IL18RAP: variants seen among roughly 807,000 people sequenced by gnomAD.
IL18RAP encodes the protein interleukin 18 receptor accessory protein.
Under a neutral mutation model 58.1 loss-of-function variants are expected in IL18RAP, and 37 were observed. The observed-to-expected ratio is 0.64, with a 90% CI of 0.49 to 0.84. The LOEUF (loss-of-function observed/expected upper bound fraction) is 0.84. Among genes scored for constraint, IL18RAP ranks in the 40% least tolerant of loss-of-function variants. IL18RAP has a pLI of 0.00. For missense variants in IL18RAP, 667 were observed against 704.8 expected (o/e 0.95, Z 0.61); for synonymous variants, 268 against 257.5 (o/e 1.04, Z -0.39).
upstream of IL18RAP, chr2:102,423,023 G>A: frequency 1.9e-6 from 1 of 519,212 alleles, no homozygotes; most frequent in South Asian, 2.8e-5. Context: ...AATGACACAA[G>A]TGAAAAGGTT....
rs758625419 is a variant in IL18RAP, at chr2:102,424,156, T to C, written c.395+21T>C. 3.7e-6 allele frequency: 6 copies of C among 1,606,610 alleles called. No individual in the cohort carries two copies. The East Asian group carries it at 1.3e-4, about 36-fold the overall frequency. The stretch of plus-strand genomic sequence containing the variant: ...ATTAAGTATGATCCAAATACATTTC[T>C]ATCTGAAAACATTTCCAAATCCTCT... On this transcript the variant is annotated intron_variant, in intron 2 of 9. Coordinates refer to ENST00000687160, the MANE Select transcript of IL18RAP (RefSeq NM_001393487.1).
intron 4 of IL18RAP, among the ~76,000 whole-genome samples, chr2:102,437,571 G>T (rs945769151): frequency 5.3e-5 from 8 of 152,136 alleles, no homozygotes; most frequent in Non-Finnish European, 8.8e-5. Flanking sequence ...CACAAGTTGG[G>T]TTGTCCATGA....
upstream of IL18RAP, among the ~76,000 whole-genome samples, chr2:102,419,959 G>C (rs2104275294): frequency 6.6e-6 from 1 of 152,314 alleles, no homozygotes; most frequent in Middle Eastern, 3.4e-3. Context: ...GCTTGCTTTG[G>C]CTTAAGTTGC....
chr2:102,439,524 A>G (rs1230553691), intron 4 of IL18RAP: 1 of 152,404 alleles, frequency 6.6e-6, no homozygotes, highest in Non-Finnish European at 1.5e-5. Context: ...GTGGAGCAGC[A>G]AGCTTGACTC....
At chr2:102,444,133 CAGAT>C (rs1683273763) in intron 6 of IL18RAP, among the ~76,000 whole-genome samples, 1 of 152,162 alleles carries the variant, frequency 6.6e-6, no homozygotes, top group African/African-American at 2.4e-5. Context: ...TGATACTTAA[CAGAT>C]ATCAATAAGA....
intron 7 of IL18RAP, among the ~76,000 whole-genome samples, chr2:102,445,820 TAA>T (rs11334822): frequency 2.1e-4 from 32 of 148,904 alleles, no homozygotes; most frequent in Non-Finnish European, 2.2e-4. Flanking sequence ...ACGGATATAT[TAA>T]AAAAAAAAAA....
intron 4 of IL18RAP, among the ~76,000 whole-genome samples, chr2:102,437,858 A>G (rs184066784): frequency 6.6e-6 from 1 of 152,256 alleles, no homozygotes; most frequent in African/African-American, 2.4e-5. Flanking sequence ...CTTTTTCTAC[A>G]TATGTATGCA....
chr2:102,438,114 A>G (rs958215554), intron 4 of IL18RAP, among the ~76,000 whole-genome samples: 1 of 152,142 alleles, frequency 6.6e-6, no homozygotes, highest in Non-Finnish European at 1.5e-5. Flanking sequence ...ACATTTTGCT[A>G]TATGTTTTTT....
In IL18RAP at chr2:102,423,257, TGAC is replaced by T; in HGVS notation, c.-20_-18del. The T allele has an allele frequency of 6.2e-7, 1 of 1,612,948 alleles. No homozygotes were observed. Among genetic ancestry groups the T allele is most frequent in the Non-Finnish European group, 8.5e-7 (1 of 1,178,894 alleles). ...CAAAGGAATGAAGTTATTGGAGTGA[TGAC>T]AGGAACACGGGAGAACAATGCTCTG... On this transcript the variant is annotated 5_prime_UTR_variant, in exon 1 of 10. The change abolishes an upstream ATG in the 5' untranslated region. Transcript: ENST00000687160.
chr2:102,422,767 A>T (rs759649587), upstream of IL18RAP, among the ~76,000 whole-genome samples: 10 of 152,218 alleles, frequency 6.6e-5, no homozygotes, highest in African/African-American at 9.6e-5. Context: ...ATATGCAAAC[A>T]TTCTCAAATT....
rs767773927 is a variant in IL18RAP, at chr2:102,447,131, T to C, written c.1134T>C (p.Ser378=). Residue 378 remains serine (S), a synonymous_variant, in exon 8 of 10, where the codon AGT becomes AGC. Coordinates refer to ENST00000687160, the MANE Select transcript of IL18RAP (RefSeq NM_001393487.1). ...CCCTGGTGGCCGTGCTGGCGGCGAGTGCCCTCCTCTACAGGCACTGGATTG... is the reference window on the plus strand; with the variant it reads ...CCCTGGTGGCCGTGCTGGCGGCGAGCGCCCTCCTCTACAGGCACTGGATTG... ...IGTLVAVLAA[S]ALLYRHWIEI... 4 of 1,614,046 alleles carry C rather than the reference T, an allele frequency of 2.5e-6. No individual in the cohort carries two copies. In the South Asian group the frequency reaches 3.3e-5, roughly 13 times the overall value.
chr2:102,443,902 C>T (rs191967926), intron 6 of IL18RAP, among the ~76,000 whole-genome samples: 15 of 152,240 alleles, frequency 9.9e-5, no homozygotes, highest in South Asian at 6.2e-4. Context: ...GCACAGAACC[C>T]GGATCAGTGG....
chr2:102,444,903 T>C (rs536016509), intron 6 of IL18RAP, among the ~76,000 whole-genome samples: 2 of 152,366 alleles, frequency 1.3e-5, no homozygotes, highest in Admixed American at 6.5e-5. Flanking sequence ...TAAATATTTT[T>C]CTTAAGGTAT....
chr2:102,444,874 C>T (rs1300953184), intron 6 of IL18RAP, among the ~76,000 whole-genome samples: 1 of 152,188 alleles, frequency 6.6e-6, no homozygotes, highest in South Asian at 2.1e-4. Context: ...AGTAAACCTT[C>T]AGTAGGAGTT....
rs1179255847 is a variant in IL18RAP at position 102,443,384 on chromosome 2, G to GAAAT, written c.920+62_920+65dup. ...TTCAGAAGAGATACTTCTACCTTTAGAAATGCCTAAAGTATACAGTTGATG... is the reference window on the plus strand; with the variant it reads ...TTCAGAAGAGATACTTCTACCTTTAGAAATAAATGCCTAAAGTATACAGTTGATG... On this transcript the variant is annotated intron_variant, in intron 6 of 9. Transcript: ENST00000687160. The GAAAT allele has an allele frequency of 2.6e-6, 4 of 1,567,194 alleles. No individual in the cohort carries two copies. The African/African-American group carries it at 5.5e-5, about 21-fold the overall frequency.
rs752619228 is a variant in IL18RAP, at chr2:102,450,830, A to C, written c.1211-18A>C. 58 of 1,532,968 alleles carry C rather than the reference A, an allele frequency of 3.8e-5. No individual in the cohort carries two copies. Among genetic ancestry groups the C allele is most frequent in the Non-Finnish European group, 4.9e-5 (55 of 1,133,904 alleles). 95.0% of individuals were successfully genotyped at this position (1,532,968 alleles called of 1,614,324 possible). On this transcript the variant is annotated intron_variant, in intron 8 of 9. Transcript: ENST00000687160. ...AGAGTAAATGACTTATGTTTTTATAAATTTTCCTATTCTTCAGATAAAAAG... is the reference window on the plus strand; with the variant it reads ...AGAGTAAATGACTTATGTTTTTATACATTTTCCTATTCTTCAGATAAAAAG...
In IL18RAP at chr2:102,452,262, G is replaced by C; in HGVS notation, c.*81G>C. On this transcript the variant is annotated 3_prime_UTR_variant, in exon 10 of 10. Coordinates refer to ENST00000687160, the MANE Select transcript of IL18RAP (RefSeq NM_001393487.1). ...AGAACTCACAGCTCTGTGTGTGTGT[G>C]TTCAGGCTGATAGGAAATTCAAAGA... 1 of 1,293,228 alleles carries C rather than the reference G, an allele frequency of 7.7e-7. No individual in the cohort carries two copies. The highest frequency in any genetic ancestry group is 2.3e-5 in the East Asian group (1 of 42,814). The allele number at this position is 1,293,228 out of a possible 1,614,324, so 80.1% of individuals were successfully genotyped here.
At position 102,452,349 on chromosome 2, in the gene IL18RAP, G is replaced by A. The variant is rs756760716; in HGVS notation, c.*168G>A. The A allele has an allele frequency of 3.2e-6, 2 of 630,508 alleles. No individual in the cohort carries two copies. Among genetic ancestry groups the A allele is most frequent in the Admixed American group, 3.4e-5 (1 of 29,682 alleles). 39.1% of individuals were successfully genotyped at this position (630,508 alleles called of 1,614,324 possible). On this transcript the variant is annotated 3_prime_UTR_variant, in exon 10 of 10. Transcript: ENST00000687160. ...GGAGTGGGATTGAGACTGTGGTTTA[G>A]AGCCTTTGATTTCCTGGACTGGACT... is the stretch of plus-strand genomic sequence containing the variant.
chr2:102,450,020 T>C (rs369310417), intron 8 of IL18RAP, among the ~76,000 whole-genome samples: 12 of 152,250 alleles, frequency 7.9e-5, no homozygotes, highest in African/African-American at 2.6e-4. Context: ...TACTACTAAA[T>C]AGCATCAGCA....
Sources: allele counts gnomAD v4.1 joint callset (sites outside exome capture counted in the v4.1 genomes callset), GRCh38; gene constraint gnomAD v4.1.1; transcripts MANE v1.5; gene names NCBI Gene and HGNC (gene_info 2026-07-23, HGNC 2026-07-21).